The following RTEL1 variants were observed in gnomAD, a reference collection of about 807,000 sequenced individuals.
The protein encoded by RTEL1 is regulator of telomere elongation helicase 1.
A neutral mutation model predicts 162.2 loss-of-function variants in RTEL1; 86 were observed. That is an observed-to-expected ratio of 0.53 (90% CI 0.45 to 0.63). The LOEUF (loss-of-function observed/expected upper bound fraction) is 0.63, where lower values mean the gene tolerates loss of function less well. RTEL1 is among the 30% of genes least tolerant of loss of function. The pLI is 0.00. For missense variants in RTEL1, 1,941 were observed against 1,750.2 expected, an observed-to-expected ratio of 1.11 and a Z score of -1.95; for synonymous variants, 958 against 717.9, an observed-to-expected ratio of 1.33 and a Z score of -5.35.
intron 26 of RTEL1, 31 bp from the exon 27 acceptor site, chr20:63,690,774 G>A (rs556687150): frequency 1.9e-6 from 3 of 1,579,110 alleles, no homozygotes; most frequent in African/African-American, 2.7e-5. Flanking sequence ...GCCCCCCGTG[G>A]GCTTCACTGC....
chr20:63,661,442 G>C lies in RTEL1; in HGVS notation c.247G>C (p.Asp83His). 1.9e-6 allele frequency: 3 copies of C among 1,613,638 alleles called. No homozygotes were observed. Among genetic ancestry groups the C allele is most frequent in the Non-Finnish European group, 1.7e-6 (2 of 1,180,026 alleles). ...GAGGGCGCAAGGAGAGCTTTTCCCG[G>C]ATCGGGCCTTGTCATCCTGGGGCAA... Reference protein sequence around the residue: ...AERAQGELFPDRALSSWGNAA... With the variant: ...AERAQGELFPHRALSSWGNAA... Residue 83 changes from aspartate to histidine, a missense_variant, in exon 3 of 35, where the codon GAT becomes CAT. By Grantham distance (81) the Asp-to-His change is moderately conservative. Transcript: ENST00000360203. This position sits in a 1 kb window ranked among gnomAD's most constrained non-coding sequence, Gnocchi z 5.1.
intron 1 of RTEL1, chr20:63,658,667 C>T (rs969664842): frequency 6.6e-6 from 1 of 152,328 alleles, no homozygotes; most frequent in Non-Finnish European, 1.5e-5. Flanking sequence ...AGCCCTTGAC[C>T]GGGGCTGGAG....
chr20:63,692,854 T>G lies in RTEL1; in HGVS notation c.2702T>G (p.Val901Gly). 6.2e-7 allele frequency: 1 copy of G among 1,612,656 alleles called. No homozygotes were observed. Among genetic ancestry groups the G allele is most frequent in the Non-Finnish European group, 8.5e-7 (1 of 1,179,862 alleles). The change falls in exon 29 of 35, where the codon GTG (valine) becomes GGG (glycine). Residue 901 changes from valine (V) to glycine (G), a missense_variant. Val to Gly is a moderately radical substitution (Grantham distance 109, BLOSUM62 -3). Transcript: ENST00000360203. ...ACGGACAGGGCCAAGCTCTTCATGG[T>G]GGCCGTGAAGCAGGAGTTGAGCCAA... ...AQTDRAKLFM[V>G]AVKQELSQAN...
chr20:63,687,848 A>T, intron 17 of RTEL1, 78 bp downstream of exon 17: 2 of 1,561,574 alleles, frequency 1.3e-6, no homozygotes, highest in South Asian at 2.3e-5. Flanking sequence ...GGGGGTCCCC[A>T]TGAGCCGGGT....
chr20:63,661,955 G>T lies in RTEL1; in HGVS notation c.395+12G>T, dbSNP rs201572070. ...AACACCTCCTACCGGTGGGTCAGAC[G>T]AGTTTACACCTGTCTCGGGGTCCTC... is the stretch of plus-strand genomic sequence containing the variant. On this transcript the variant is annotated intron_variant, in intron 4 of 34. Transcript: ENST00000360203. The surrounding 1 kb of genome is among the most constrained non-coding windows in gnomAD (Gnocchi z 5.1). 4.4e-6 allele frequency: 7 copies of T among 1,604,992 alleles called. No homozygotes were observed. In the South Asian group the frequency reaches 7.7e-5, roughly 18 times the overall value.
At position 63,661,461 on chromosome 20, in the gene RTEL1, G is replaced by T; in HGVS notation, c.266G>T (p.Trp89Leu). The change falls in exon 3 of 35, where the codon TGG becomes TTG. Residue 89 changes from tryptophan to leucine, a missense_variant. Transcript: ENST00000360203. This position sits in a 1 kb window ranked among gnomAD's most constrained non-coding sequence, Gnocchi z 5.1. Reference sequence around the variant, plus strand: ...TTCCCGGATCGGGCCTTGTCATCCTGGGGCAACGCTGCTGCTGCTGCTGGA... The same window carrying T: ...TTCCCGGATCGGGCCTTGTCATCCTTGGGCAACGCTGCTGCTGCTGCTGGA... ...ELFPDRALSSWGNAAAAAGDP... is the reference protein window; with the variant it reads ...ELFPDRALSSLGNAAAAAGDP... 1 of 1,613,000 alleles carries T rather than the reference G, an allele frequency of 6.2e-7. No individual in the cohort carries two copies.
intron 12 of RTEL1, 60 bp downstream of exon 12, chr20:63,678,406 A>G: frequency 6.7e-7 from 1 of 1,496,434 alleles, no homozygotes; most frequent in Non-Finnish European, 9.1e-7. Flanking sequence ...GAAACGGGCC[A>G]TGGTGCAGTC....
chr20:63,660,368 A>C (rs763582749), intron 2 of RTEL1, among the ~76,000 whole-genome samples: 16 of 152,266 alleles, frequency 1.1e-4, no homozygotes, highest in Non-Finnish European at 1.6e-4. Context: ...TCCAGGGCAG[A>C]GGTCCCTGCG....
chr20:63,680,780 C>T (rs1480054497), intron 14 of RTEL1, 61 bp downstream of exon 14: 51 of 1,602,262 alleles, frequency 3.2e-5, no homozygotes, highest in African/African-American at 1.3e-4. Context: ...GTGCCTTCTC[C>T]TGCTGTATTA....
chr20:63,667,367 C>T lies in RTEL1; in HGVS notation c.615-102C>T, dbSNP rs1046355876. On this transcript the variant is annotated intron_variant, in intron 7 of 34. Coordinates refer to ENST00000360203, the MANE Select transcript of RTEL1 (RefSeq NM_001283009.2). Reference sequence around the variant, plus strand: ...GCAGCAGCTTCCCACCTGGGCCCTACGTGCAGGATGAGGGCTCCTTCCGGG... The same window carrying T: ...GCAGCAGCTTCCCACCTGGGCCCTATGTGCAGGATGAGGGCTCCTTCCGGG... 6 of 905,960 alleles carry T rather than the reference C, an allele frequency of 6.6e-6. No individual in the cohort carries two copies. In the East Asian group the frequency reaches 9.8e-5, roughly 15 times the overall value. The allele number at this position is 905,960 out of a possible 1,614,324, so 56.1% of individuals were successfully genotyped here.
intron 4 of RTEL1, among the ~76,000 whole-genome samples, 159 bp downstream of exon 4, chr20:63,662,102 C>T (rs1183738908): frequency 1.3e-5 from 2 of 152,132 alleles, no homozygotes; most frequent in Non-Finnish European, 2.9e-5. Flanking sequence ...GGGTGGGGTG[C>T]GGCCTGGGCT....
intron 8 of RTEL1, among the ~76,000 whole-genome samples, chr20:63,670,754 TG>T (rs1423338622): frequency 4.0e-5 from 6 of 148,198 alleles, no homozygotes; most frequent in Non-Finnish European, 1.5e-5. Flanking sequence ...GGGCCAAGGC[TG>T]GGGGATCGCT....
chr20:63,662,695 C>T, intron 5 of RTEL1, 68 bp downstream of exon 5: 1 of 1,606,144 alleles, frequency 6.2e-7, no homozygotes, highest in Middle Eastern at 1.7e-4. Context: ...TCCAGAGCCC[C>T]AGGCTGCGCT....
chr20:63,681,147 G>T, intron 14 of RTEL1: 3 of 985,358 alleles, frequency 3.0e-6, no homozygotes, highest in Non-Finnish European at 3.6e-6. Context: ...TCCCGGCAGG[G>T]GTGTCCCTGG....
rs201560152 is a variant in RTEL1, at chr20:63,694,378, C to T, written c.2999C>T (p.Thr1000Met). ...CTCTACATCTCTTCATCAGGAAGAA[C>T]GGCGCCGGATCCCAAGCTGACCGTG... is the stretch of plus-strand genomic sequence containing the variant. Reference protein sequence around the residue: ...AQPVLDPTGRTAPDPKLTVST... With the variant: ...AQPVLDPTGRMAPDPKLTVST... Residue 1000 changes from threonine to methionine, a missense_variant, in exon 31 of 35, where the codon ACG becomes ATG. Coordinates refer to ENST00000360203, the MANE Select transcript of RTEL1 (RefSeq NM_001283009.2). 162 of 1,573,550 alleles carry T rather than the reference C, an allele frequency of 1.0e-4. No homozygotes were observed. The East Asian group carries it at 1.5e-3, about 15-fold the overall frequency.
intron 12 of RTEL1, 67 bp downstream of exon 12, chr20:63,678,413 A>T: frequency 6.9e-7 from 1 of 1,447,530 alleles, no homozygotes; most frequent in Non-Finnish European, 9.4e-7. Context: ...GCCATGGTGC[A>T]GTCCTGGGCT....
intron 10 of RTEL1, among the ~76,000 whole-genome samples, chr20:63,676,629 A>C (rs1022345995): frequency 6.6e-6 from 1 of 152,128 alleles, no homozygotes; most frequent in African/African-American, 2.4e-5. Context: ...TTCACACAGG[A>C]AAGGTGGGAC....
At chr20:63,686,412 C>G (rs2090594133) in intron 16 of RTEL1, 1 of 159,768 alleles carries the variant, frequency 6.3e-6, no homozygotes, top group African/African-American at 2.4e-5. Context: ...GTGCCCTCGG[C>G]TCCGTGTCCG....
In RTEL1 at chr20:63,695,936, C is replaced by G; in HGVS notation, c.*78C>G. ...CAGCTCTGGTGGGCCAAGAACCCAC[C>G]CAACAGAATAGGCCAGCCCATGCCA... On this transcript the variant is annotated 3_prime_UTR_variant, in exon 35 of 35. Transcript: ENST00000360203. 1.4e-6 allele frequency: 2 copies of G among 1,421,380 alleles called. No homozygotes were observed. The highest frequency in any genetic ancestry group is 1.9e-6 in the Non-Finnish European group (2 of 1,043,212). The allele number at this position is 1,421,380 out of a possible 1,614,324, so 88.0% of individuals were successfully genotyped here.
Sources: allele counts gnomAD v4.1 joint callset (sites outside exome capture counted in the v4.1 genomes callset), GRCh38; gene constraint gnomAD v4.1.1; non-coding constraint Gnocchi (gnomAD v3.1); transcripts MANE v1.5; gene names NCBI Gene and HGNC (gene_info 2026-07-23, HGNC 2026-07-21).